The following HYCC2 variants were observed in gnomAD, a reference collection of about 807,000 sequenced individuals.
HYCC2 encodes hyccin PI4KA lipid kinase complex subunit 2, also known as hyccin 2.
At chr2:201,008,707 C>A in the HYCC2 span, among the ~76,000 whole-genome samples, 1 of 151,944 alleles carries the variant, frequency 6.6e-6, no homozygotes, top group Admixed American at 6.6e-5. Context: ...CCAGCCTGGA[C>A]AACATAGCAA....
At chr2:201,051,907 T>C in the HYCC2 span, among the ~76,000 whole-genome samples, 1 of 152,156 alleles carries the variant, frequency 6.6e-6, no homozygotes, top group Admixed American at 6.6e-5. Context: ...ATGAGCCTAA[T>C]ACTAAGGAAG....
At chr2:201,039,486 ATGT>A in the HYCC2 span, among the ~76,000 whole-genome samples, 1 of 152,206 alleles carries the variant, frequency 6.6e-6, no homozygotes, top group Non-Finnish European at 1.5e-5. Context: ...TGACAAGTAG[ATGT>A]TGTCCCAGAT....
At chr2:201,022,358 C>T in the HYCC2 span, 3 of 281,424 alleles carry the variant, frequency 1.1e-5, no homozygotes, top group South Asian at 3.2e-5. Flanking sequence ...AAAAGTGCTT[C>T]CTCTGATCCT....
chr2:201,060,378 C>T, the HYCC2 span, among the ~76,000 whole-genome samples: 1 of 152,180 alleles, frequency 6.6e-6, no homozygotes, highest in Non-Finnish European at 1.5e-5. Flanking sequence ...GACTATGTTT[C>T]AGTCAATGAG....
chr2:201,062,877 C>CATATAT, the HYCC2 span, among the ~76,000 whole-genome samples: 3 of 148,308 alleles, frequency 2.0e-5, no homozygotes, highest in South Asian at 6.3e-4. Flanking sequence ...TATATATAAA[C>CATATAT]ATATATATAC....
the HYCC2 span, among the ~76,000 whole-genome samples, chr2:201,065,481 A>ACT: frequency 6.6e-6 from 1 of 152,220 alleles, no homozygotes; most frequent in South Asian, 2.1e-4. Flanking sequence ...GGCTTGTATA[A>ACT]CTCTATTTCT....
the HYCC2 span, among the ~76,000 whole-genome samples, chr2:201,025,805 T>A: frequency 6.6e-6 from 1 of 152,116 alleles, no homozygotes; most frequent in Non-Finnish European, 1.5e-5. Context: ...ACACCTGCAG[T>A]TCTAGCACTT....
At chr2:200,989,279 C>T in the HYCC2 span, among the ~76,000 whole-genome samples, 3 of 152,094 alleles carry the variant, frequency 2.0e-5, no homozygotes, top group East Asian at 5.8e-4. Flanking sequence ...GGAAATGCCA[C>T]CTCTACTTAA....
At chr2:201,061,135 TAA>T in the HYCC2 span, among the ~76,000 whole-genome samples, 2 of 144,050 alleles carry the variant, frequency 1.4e-5, no homozygotes, top group Admixed American at 7.0e-5. Context: ...TTGTTCAAAT[TAA>T]AAAAAAAAAA....
chr2:201,008,763 T>A, the HYCC2 span, among the ~76,000 whole-genome samples: 1 of 151,858 alleles, frequency 6.6e-6, no homozygotes, highest in Non-Finnish European at 1.5e-5. Context: ...CCAGGCATGG[T>A]GGTGTACACC....
the HYCC2 span, among the ~76,000 whole-genome samples, chr2:201,025,371 A>G: frequency 1.3e-5 from 2 of 152,146 alleles, no homozygotes; most frequent in Admixed American, 1.3e-4. Flanking sequence ...ATCCAGATGT[A>G]CACCCACTTT....
the HYCC2 span, among the ~76,000 whole-genome samples, chr2:200,999,529 G>A: frequency 6.6e-6 from 1 of 151,540 alleles, no homozygotes. Flanking sequence ...GGGATTACAG[G>A]TGCCCACCAC....
the HYCC2 span, chr2:200,976,689 T>G: frequency 6.6e-6 from 1 of 152,134 alleles, no homozygotes; most frequent in African/African-American, 2.4e-5. Context: ...GACTACCGCA[T>G]TTAAGACATT....
chr2:201,068,295 G>GA, the HYCC2 span, among the ~76,000 whole-genome samples: 143 of 144,114 alleles, frequency 9.9e-4, no homozygotes, highest in Non-Finnish European at 1.7e-3. Context: ...CTCAAAAAAA[G>GA]AAAAAAAAAA....
chr2:200,977,782 G>A, the HYCC2 span: 1 of 152,274 alleles, frequency 6.6e-6, no homozygotes, highest in Non-Finnish European at 1.5e-5. Context: ...GCCCAGGGAG[G>A]TTGAGGCTGC....
the HYCC2 span, among the ~76,000 whole-genome samples, chr2:200,998,893 A>G: frequency 3.3e-5 from 5 of 152,224 alleles, no homozygotes; most frequent in African/African-American, 1.2e-4. Flanking sequence ...TTAAAAATCA[A>G]GCTGAAAGTC....
At chr2:201,039,055 C>G in the HYCC2 span, among the ~76,000 whole-genome samples, 12 of 152,152 alleles carry the variant, frequency 7.9e-5, no homozygotes, top group Non-Finnish European at 2.9e-5. Flanking sequence ...CTGGCATTCT[C>G]TCCCAGCTCT....
At chr2:201,033,576 T>C in the HYCC2 span, among the ~76,000 whole-genome samples, 1 of 151,778 alleles carries the variant, frequency 6.6e-6, no homozygotes, top group Admixed American at 6.6e-5. Flanking sequence ...GCTAATTTTT[T>C]TGTATTTTTA....
the HYCC2 span, among the ~76,000 whole-genome samples, chr2:201,018,903 G>A: frequency 6.6e-6 from 1 of 152,174 alleles, no homozygotes; most frequent in Non-Finnish European, 1.5e-5. Flanking sequence ...GGTTGGTGAA[G>A]TTAATGGTGA....
Sources: gnomAD v4.1 joint callset for allele counts (sites outside exome capture counted in the v4.1 genomes callset) on GRCh38, gnomAD v4.1.1 for gene constraint, MANE v1.5 for transcripts, NCBI Gene and HGNC (gene_info 2026-07-23, HGNC 2026-07-21) for gene names.